NR2C1: variants seen among roughly 807,000 people sequenced by gnomAD.
The protein encoded by NR2C1 is TR2 nuclear hormone receptor.
A neutral mutation model predicts 74.8 loss-of-function variants in NR2C1; 33 were observed. That is an observed-to-expected ratio of 0.44 (90% CI 0.33 to 0.59). NR2C1 has a LOEUF of 0.59. Ranked by LOEUF, NR2C1 falls within the 20% of genes least tolerant of loss-of-function variation. The probability of loss-of-function intolerance (pLI) is 0.02; values close to 1 mark genes in which losing one functional copy is unlikely to be tolerated. For synonymous variants in NR2C1, 225 were observed against 240.6 expected (o/e 0.94, Z 0.60); for missense variants, 568 against 715.6 (o/e 0.79, Z 2.35).
At position 95,058,353 on chromosome 12, in the gene NR2C1, G is replaced by A. The variant is rs1007250978; in HGVS notation, c.501C>T (p.Tyr167=). The change falls in exon 5 of 14, where the codon TAC becomes TAT. Residue 167 remains tyrosine, a synonymous_variant. Coordinates refer to ENST00000333003, the MANE Select transcript of NR2C1 (RefSeq NM_003297.4). ...INKHHRNRCQ[Y]CRLQRCIAFG... is the part of the protein sequence containing the mutation. The stretch of plus-strand genomic sequence containing the variant: ...ACGCAATACATCTCTGTAACCTGCA[G>A]TATTGACAGCGGTTTCGGTGGTGCT... The A allele has an allele frequency of 1.9e-6, 3 of 1,613,660 alleles. No individual in the cohort carries two copies. The highest frequency in any genetic ancestry group is 2.5e-6 in the Non-Finnish European group (3 of 1,179,958).
rs1242772015 is a variant in NR2C1, at chr12:95,057,783, G to A, written c.640C>T (p.Arg214Cys). 22 of 1,614,002 alleles carry A rather than the reference G, an allele frequency of 1.4e-5. No homozygotes were observed. The highest frequency in any genetic ancestry group is 1.7e-5 in the Non-Finnish European group (20 of 1,180,000). Reference protein sequence around the residue: ...TEKIYIRKDLRSPLTATPTFV... With the variant: ...TEKIYIRKDLCSPLTATPTFV... Reference sequence around the variant, plus strand: ...GTTGGAGTTGCAGTTAATGGGCTACGAAGGTCCTTTCGGATATAGATTTTT... The same window carrying A: ...GTTGGAGTTGCAGTTAATGGGCTACAAAGGTCCTTTCGGATATAGATTTTT... The change falls in exon 6 of 14, where the codon CGT becomes TGT. Residue 214 changes from arginine (R) to cysteine (C), a missense_variant. Transcript: ENST00000333003.
At chr12:95,028,548 C>A in intron 11 of NR2C1, 24 bp from the exon 12 acceptor site, 1 of 1,406,434 alleles carries the variant, frequency 7.1e-7, no homozygotes, top group Non-Finnish European at 9.9e-7. Flanking sequence ...TAAACAAATG[C>A]TTCTAGTGTT....
intron 4 of NR2C1, among the ~76,000 whole-genome samples, chr12:95,059,061 G>A (rs1874342929): frequency 6.6e-6 from 1 of 152,088 alleles, no homozygotes; most frequent in Admixed American, 6.5e-5. Context: ...TAGCACTTTG[G>A]GAGGCCAAGG....
At chr12:95,070,999 A>G (rs1176513152) in intron 1 of NR2C1, among the ~76,000 whole-genome samples, 2 of 152,230 alleles carry the variant, frequency 1.3e-5, no homozygotes, top group Non-Finnish European at 2.9e-5. Flanking sequence ...CAAGAGTCCA[A>G]GACCAGCCTG....
At chr12:95,062,794 C>G in intron 2 of NR2C1, 56 bp from the exon 3 acceptor site, 1 of 1,316,092 alleles carries the variant, frequency 7.6e-7, no homozygotes. Context: ...TTTAATGACA[C>G]AATTATCTTC....
chr12:95,039,174 C>G (rs1871214279), intron 10 of NR2C1, among the ~76,000 whole-genome samples: 1 of 152,156 alleles, frequency 6.6e-6, no homozygotes, highest in South Asian at 2.1e-4. Context: ...GGCTTTTAGT[C>G]TATGTAACTA....
chr12:95,030,290 G>C (rs1294146759), intron 11 of NR2C1: 1 of 347,412 alleles, frequency 2.9e-6, no homozygotes, highest in African/African-American at 2.1e-5. Flanking sequence ...TTTTATTTAA[G>C]CTTATATTGG....
intron 11 of NR2C1, among the ~76,000 whole-genome samples, chr12:95,028,860 C>T (rs1034273865): frequency 1.3e-5 from 2 of 152,152 alleles, no homozygotes; most frequent in Non-Finnish European, 2.9e-5. Flanking sequence ...AACTCCTGGG[C>T]TCAAGTGATT....
intron 13 of NR2C1, among the ~76,000 whole-genome samples, chr12:95,024,813 T>C (rs1399980385): frequency 6.6e-6 from 1 of 152,152 alleles, no homozygotes; most frequent in Non-Finnish European, 1.5e-5. Context: ...TTATCCTCCT[T>C]TTGCTAACAA....
At chr12:95,041,394 A>C (rs1338060163) in intron 9 of NR2C1, among the ~76,000 whole-genome samples, 3 of 152,090 alleles carry the variant, frequency 2.0e-5, no homozygotes, top group Admixed American at 6.6e-5. Context: ...AGGCAGGGGA[A>C]TTGCTTGAAC....
At chr12:95,025,924 A>G (rs888914775) in intron 12 of NR2C1, among the ~76,000 whole-genome samples, 2 of 151,786 alleles carry the variant, frequency 1.3e-5, no homozygotes, top group South Asian at 2.1e-4. Context: ...AGACATCTTA[A>G]GGCTGGGTGT....
intron 7 of NR2C1, among the ~76,000 whole-genome samples, chr12:95,052,702 C>A (rs1158526552): frequency 6.6e-6 from 1 of 152,136 alleles, no homozygotes; most frequent in Non-Finnish European, 1.5e-5. Flanking sequence ...ATCCTCCCTG[C>A]CTCAGCCTCC....
intron 1 of NR2C1, among the ~76,000 whole-genome samples, chr12:95,069,160 A>C (rs990772676): frequency 6.6e-6 from 1 of 152,246 alleles, no homozygotes; most frequent in African/African-American, 2.4e-5. Flanking sequence ...AATTAAAGTA[A>C]TAAACAAATA....
At chr12:95,068,522 C>T (rs1271566907) in intron 1 of NR2C1, among the ~76,000 whole-genome samples, 2 of 152,088 alleles carry the variant, frequency 1.3e-5, no homozygotes, top group Admixed American at 1.3e-4. Flanking sequence ...GGACCGGCCC[C>T]GGTGGCTCAC....
chr12:95,046,629 G>A (rs1201517211), intron 9 of NR2C1, among the ~76,000 whole-genome samples: 1 of 152,174 alleles, frequency 6.6e-6, no homozygotes, highest in Admixed American at 6.5e-5. Flanking sequence ...AGCTTATGTG[G>A]TGAGGCCCAA....
intron 9 of NR2C1, 85 bp downstream of exon 9, chr12:95,048,983 G>T: frequency 8.0e-7 from 1 of 1,256,660 alleles, no homozygotes. Flanking sequence ...GACTTTAAAA[G>T]CACAACAAAC....
At position 95,063,406 on chromosome 12, in the gene NR2C1, G is replaced by A. The variant is rs577657804; in HGVS notation, c.55-668C>T. Among the ~76,000 whole-genome samples, 8 of 152,286 alleles carry A rather than the reference G, an allele frequency of 5.3e-5. No homozygotes were observed. In the South Asian group the frequency reaches 1.7e-3, roughly 32 times the overall value. On this transcript the variant is annotated intron_variant, in intron 2 of 13. Transcript: ENST00000333003. The stretch of plus-strand genomic sequence containing the variant: ...ATGAGTAAGACAGAAGGGAAGACAG[G>A]GATTACAGTAGAATATGGGATCTGA...
rs34229669 is a variant in NR2C1 at position 95,043,689 on chromosome 12, C to CAAAAAAAAAAA, written c.1132-3103_1132-3093dup. 9.3e-4 allele frequency among the ~76,000 whole-genome samples: 88 copies of CAAAAAAAAAAA among 94,250 alleles called. 6 individuals are homozygous for CAAAAAAAAAAA. The highest frequency in any genetic ancestry group is 3.2e-3 in the African/African-American group (80 of 24,986). 61.8% of individuals were successfully genotyped at this position (94,250 alleles called of 152,430 possible). A position where few individuals can be genotyped will look rare whatever the true frequency, so the allele number is the denominator to read the frequency against. ...TGGGAGACAGAGCAAGACTCTGTCT[C>CAAAAAAAAAAA]AAAAAAAAAAAAAATCCTTTGCAAA... On this transcript the variant is annotated intron_variant, in intron 9 of 13. Transcript: ENST00000333003.
intron 2 of NR2C1, among the ~76,000 whole-genome samples, chr12:95,066,618 T>C (rs1875747221): frequency 6.6e-6 from 1 of 152,194 alleles, no homozygotes; most frequent in South Asian, 2.1e-4. Context: ...TAAAATCTGT[T>C]GGTCTATCCT....
Sources: allele counts gnomAD v4.1 joint callset (sites outside exome capture counted in the v4.1 genomes callset), GRCh38; gene constraint gnomAD v4.1.1; transcripts MANE v1.5; gene names NCBI Gene and HGNC (gene_info 2026-07-23, HGNC 2026-07-21).